Variants in PACRG observed in about 807,000 individuals in gnomAD.
PACRG encodes parkin coregulated gene protein.
PACRG carries 29 observed loss-of-function variants against 29.7 expected under a neutral mutation model. The ratio of observed to expected loss-of-function variants is 0.98; its 90% CI spans 0.73 to 1.33. The LOEUF is 1.33. Among genes scored for constraint, PACRG ranks in the 40% most tolerant of loss-of-function variants. PACRG has a pLI of 0.00. For missense variants in PACRG, 279 were observed against 316.2 expected (o/e 0.88, Z 0.89); for synonymous variants, 116 against 118.7 (o/e 0.98, Z 0.15).
intron 2 of PACRG, among the ~76,000 whole-genome samples, chr6:162,975,818 C>A (rs9365520): frequency 0.58 from 87,041 of 150,688 alleles, 25,387 homozygotes; most frequent in East Asian, 0.78. Context: ...TCTTGCCTTC[C>A]TTCCTCCCTT....
At chr6:162,844,689 C>T (rs1217912922) in intron 2 of PACRG, among the ~76,000 whole-genome samples, 3 of 152,192 alleles carry the variant, frequency 2.0e-5, no homozygotes, top group African/African-American at 7.2e-5. Flanking sequence ...TAAGCATTCC[C>T]TTTTGTTGAA....
At chr6:162,907,185 G>A (rs1373777522) in intron 2 of PACRG, among the ~76,000 whole-genome samples, 1 of 152,010 alleles carries the variant, frequency 6.6e-6, no homozygotes, top group Admixed American at 6.6e-5. Context: ...ATTTTGTCCT[G>A]GAAAATATGA....
At chr6:163,260,710 G>A (rs773869926) in intron 4 of PACRG, among the ~76,000 whole-genome samples, 1 of 152,290 alleles carries the variant, frequency 6.6e-6, no homozygotes, top group Admixed American at 6.5e-5. Flanking sequence ...TTATTTAAAC[G>A]CTCACTGTTC....
intron 2 of PACRG, among the ~76,000 whole-genome samples, chr6:162,879,377 T>C (rs1029811811): frequency 9.2e-5 from 14 of 152,202 alleles, no homozygotes; most frequent in African/African-American, 3.4e-4. Context: ...TAATTATCTA[T>C]TGGGCAAAAA....
intron 4 of PACRG, among the ~76,000 whole-genome samples, chr6:163,212,794 T>G (rs927292536): frequency 6.6e-6 from 1 of 151,962 alleles, no homozygotes; most frequent in African/African-American, 2.4e-5. Flanking sequence ...TTTTTTTTTT[T>G]TTTGAGACGG....
At chr6:163,280,203 G>A (rs953485245) in intron 4 of PACRG, among the ~76,000 whole-genome samples, 7 of 152,132 alleles carry the variant, frequency 4.6e-5, no homozygotes, top group African/African-American at 1.7e-4. Flanking sequence ...ATCACTTTAG[G>A]GAGTGAGTCT....
intron 2 of PACRG, among the ~76,000 whole-genome samples, chr6:163,032,808 T>A (rs192066206): frequency 7.1e-4 from 108 of 152,334 alleles, no homozygotes; most frequent in African/African-American, 1.8e-3. Context: ...CCAATCTTAT[T>A]CAGTTTGACC....
intron 2 of PACRG, among the ~76,000 whole-genome samples, chr6:162,903,722 GA>G (rs1262604993): frequency 6.6e-6 from 1 of 152,122 alleles, no homozygotes; most frequent in Non-Finnish European, 1.5e-5. Flanking sequence ...CCGTATCAGG[GA>G]ATATATACTT....
At chr6:163,009,137 G>A (rs1346727666) in intron 2 of PACRG, among the ~76,000 whole-genome samples, 2 of 152,068 alleles carry the variant, frequency 1.3e-5, no homozygotes, top group Admixed American at 1.3e-4. Context: ...CAATATACTG[G>A]GTCCATGTGA....
chr6:163,281,524 T>C (rs904742179), intron 4 of PACRG, among the ~76,000 whole-genome samples: 3 of 151,834 alleles, frequency 2.0e-5, no homozygotes, highest in Admixed American at 6.6e-5. Context: ...AAAATAACAA[T>C]AGCCAAAAAT....
intron 2 of PACRG, among the ~76,000 whole-genome samples, chr6:162,872,227 AGCTCAGT>A (rs11278155): frequency 1 from 151,925 of 152,238 alleles, 75,806 homozygotes; most frequent in Middle Eastern, 1. Flanking sequence ...TCTCTATGAG[AGCTCAGT>A]GCTCAGTGTC....
chr6:163,177,037 G>A (rs1457733558), intron 4 of PACRG, among the ~76,000 whole-genome samples: 1 of 152,122 alleles, frequency 6.6e-6, no homozygotes, highest in African/African-American at 2.4e-5. Flanking sequence ...GAGCCAGCCT[G>A]GAGACTGTTG....
intron 4 of PACRG, among the ~76,000 whole-genome samples, chr6:163,262,905 C>G (rs1381193718): frequency 2.1e-5 from 3 of 145,234 alleles, no homozygotes; most frequent in Non-Finnish European, 3.0e-5. Context: ...AAAAAATTAG[C>G]CCAGTGTGGT....
intron 2 of PACRG, among the ~76,000 whole-genome samples, chr6:162,989,964 C>T (rs965029144): frequency 4.0e-5 from 6 of 151,722 alleles, no homozygotes; most frequent in African/African-American, 1.5e-4. Flanking sequence ...GTTCAATTCC[C>T]ACCTATGAGT....
rs187238407 is a variant in PACRG at position 162,743,216 on chromosome 6, T to G, written c.156+14825T>G. On this transcript the variant is annotated intron_variant, in intron 1 of 4. Coordinates refer to ENST00000366888, the MANE Select transcript of PACRG (RefSeq NM_001080379.2). ...CCCTTTGCCCACTTTAAAAAATTTG[T>G]TCTTTTGCTATTGAGTTATTTGAGT... 1.6e-3 allele frequency among the ~76,000 whole-genome samples: 248 copies of G among 152,298 alleles called. 1 individual carries two copies. Among genetic ancestry groups the G allele is most frequent in the Non-Finnish European group, 6.0e-4 (41 of 68,026 alleles).
chr6:163,151,270 T>C (rs995198970), intron 4 of PACRG, among the ~76,000 whole-genome samples: 2 of 152,244 alleles, frequency 1.3e-5, no homozygotes, highest in Admixed American at 6.5e-5. Context: ...TTGTTGTTTT[T>C]AATTCCTTGC....
chr6:162,756,281 T>C (rs1781913188), intron 1 of PACRG, among the ~76,000 whole-genome samples: 1 of 152,208 alleles, frequency 6.6e-6, no homozygotes. Flanking sequence ...CAGTCTTTCT[T>C]TTCCGATTAT....
chr6:163,134,298 G>A (rs371604237), intron 4 of PACRG, among the ~76,000 whole-genome samples: 1 of 152,090 alleles, frequency 6.6e-6, no homozygotes, highest in South Asian at 2.1e-4. Flanking sequence ...TGGTTCAAAC[G>A]AAAAGTTTGG....
rs565877670 is a variant in PACRG, at chr6:162,777,150, G to A, written c.157-36997G>A. Among the ~76,000 whole-genome samples, 1 of 152,280 alleles carries A rather than the reference G, an allele frequency of 6.6e-6. No homozygotes were observed. Among genetic ancestry groups the A allele is most frequent in the Non-Finnish European group, 1.5e-5 (1 of 68,018 alleles). On this transcript the variant is annotated intron_variant, in intron 1 of 4. Coordinates refer to ENST00000366888, the MANE Select transcript of PACRG (RefSeq NM_001080379.2). The surrounding 1 kb of genome is among the most constrained non-coding windows in gnomAD (Gnocchi z 4.0). The stretch of plus-strand genomic sequence containing the variant: ...TATTTCTCTGGGTGAATGTTCTGTC[G>A]CACACTTGCACAAACCCTGATCTCT...
Sources: gnomAD v4.1 joint callset for allele counts (sites outside exome capture counted in the v4.1 genomes callset) on GRCh38, gnomAD v4.1.1 for gene constraint, Gnocchi (gnomAD v3.1) non-coding constraint, MANE v1.5 for transcripts, NCBI Gene and HGNC (gene_info 2026-07-23, HGNC 2026-07-21) for gene names.